The following BRCA2 variants were observed in gnomAD, a reference collection of about 807,000 sequenced individuals.
The protein encoded by BRCA2 is BRCA2 DNA repair associated.
BRCA2 carries 203 observed loss-of-function variants against 276.7 expected under a neutral mutation model. That is an observed-to-expected ratio of 0.73 (90% CI 0.65 to 0.82). BRCA2 has a LOEUF of 0.82. Among genes scored for constraint, BRCA2 ranks in the 40% least tolerant of loss-of-function variants. The pLI is 0.00. For synonymous variants in BRCA2, 1,289 were observed against 1,338.4 expected, an observed-to-expected ratio of 0.96 and a Z score of 0.81; for missense variants, 3,920 against 3,915.0, an observed-to-expected ratio of 1.00 and a Z score of -0.03.
intron 3 of BRCA2, among the ~76,000 whole-genome samples, chr13:32,319,820 T>C (rs1005204835): frequency 6.6e-6 from 1 of 152,228 alleles, no homozygotes; most frequent in Non-Finnish European, 1.5e-5. Flanking sequence ...TAATGAACTT[T>C]CCCTTTTCTT....
intron 18 of BRCA2, 132 bp downstream of exon 18, chr13:32,363,665 A>C (rs2072762438): frequency 3.3e-6 from 3 of 897,982 alleles, no homozygotes; most frequent in Non-Finnish European, 5.0e-6. Context: ...TAGTATAAAA[A>C]GCATATTCTT....
intron 15 of BRCA2, 58 bp from the exon 16 acceptor site, chr13:32,357,684 T>G (rs1436048722): frequency 3.9e-6 from 6 of 1,542,588 alleles, no homozygotes; most frequent in Non-Finnish European, 5.3e-6. Context: ...GTTTTTATTG[T>G]GTGATACATG....
Position 32,340,733 on chromosome 13 carries a change from C to T in BRCA2, c.6378C>T (p.Cys2126=), listed in dbSNP as rs2137526874. 1 of 1,606,884 alleles carries T rather than the reference C, an allele frequency of 6.2e-7. No individual in the cohort carries two copies. The highest frequency in any genetic ancestry group is 2.2e-5 in the East Asian group (1 of 44,788). The stretch of plus-strand genomic sequence containing the variant: ...TAAACTCAGAAATGGAAAAAACCTG[C>T]AGTAAAGAATTTAAATTATCAAATA... The part of the protein sequence containing the change: ...HCVNSEMEKT[C]SKEFKLSNNL... Residue 2126 remains cysteine, a synonymous_variant, in exon 11 of 27, where the codon TGC becomes TGT. Coordinates refer to ENST00000380152, the MANE Select transcript of BRCA2 (RefSeq NM_000059.4).
In BRCA2 at chr13:32,340,787, A is replaced by C; in HGVS notation, c.6432A>C (p.Glu2144Asp). Residue 2144 changes from glutamate (E) to aspartate (D), a missense_variant, in exon 11 of 27, where the codon GAA becomes GAC. Coordinates refer to ENST00000380152, the MANE Select transcript of BRCA2 (RefSeq NM_000059.4). Reference sequence around the variant, plus strand: ...TAAATGTTGAAGGTGGTTCTTCAGAAAATAATCACTCTATTAAAGTTTCTC... The same window carrying C: ...TAAATGTTGAAGGTGGTTCTTCAGACAATAATCACTCTATTAAAGTTTCTC... ...NNLNVEGGSSENNHSIKVSPY... is the reference protein window; with the variant it reads ...NNLNVEGGSSDNNHSIKVSPY... The C allele has an allele frequency of 6.3e-7, 1 of 1,594,768 alleles. No homozygotes were observed. Among genetic ancestry groups the C allele is most frequent in the Non-Finnish European group, 8.5e-7 (1 of 1,174,550 alleles).
chr13:32,362,588 A>G lies in BRCA2; in HGVS notation c.7871A>G (p.Tyr2624Cys), dbSNP rs431825358. 3.1e-6 allele frequency: 5 copies of G among 1,614,032 alleles called. No individual in the cohort carries two copies. The highest frequency in any genetic ancestry group is 1.3e-5 in the African/African-American group (1 of 74,934). Residue 2624 changes from tyrosine to cysteine, a missense_variant, in exon 17 of 27, where the codon TAT becomes TGT. By Grantham distance (194) the Tyr-to-Cys change is radical. Coordinates refer to ENST00000380152, the MANE Select transcript of BRCA2 (RefSeq NM_000059.4). ...TCTAGAATTTGGGTTTATAATCACT[A>G]TAGATGGATCATATGGAAACTGGCA... is the stretch of plus-strand genomic sequence containing the variant. ...LISRIWVYNH[Y>C]RWIIWKLAAM...
At chr13:32,331,408 G>T (rs767269320) in intron 9 of BRCA2, among the ~76,000 whole-genome samples, 1 of 152,022 alleles carries the variant, frequency 6.6e-6, no homozygotes, top group Non-Finnish European at 1.5e-5. Flanking sequence ...TTATCTCAAA[G>T]TATTGAGAGT....
chr13:32,396,837 TTGGAAA>T, intron 25 of BRCA2, 55 bp from the exon 26 acceptor site: 1 of 1,596,892 alleles, frequency 6.3e-7, no homozygotes, highest in Non-Finnish European at 8.6e-7. Flanking sequence ...GGAAATACTT[TTGGAAA>T]CATAAATATG....
chr13:32,340,122 G>T lies in BRCA2; in HGVS notation c.5767G>T (p.Asp1923Tyr), dbSNP rs2137520737. 1 of 1,613,086 alleles carries T rather than the reference G, an allele frequency of 6.2e-7. No individual in the cohort carries two copies. The highest frequency in any genetic ancestry group is 2.2e-5 in the East Asian group (1 of 44,850). Residue 1923 changes from aspartate (D) to tyrosine (Y), a missense_variant, in exon 11 of 27, where the codon GAC (aspartate) becomes TAC (tyrosine). Around this residue, in one of 2 missense-constraint regions of BRCA2, gnomAD observed 3,263 missense variants for 3,156.9 expected, o/e 1.03. Transcript: ENST00000380152. ...CSTHSHKVFADIQSEEILQHN... is the reference protein window; with the variant it reads ...CSTHSHKVFAYIQSEEILQHN... ...CACGCATTCACATAAGGTTTTTGCT[G>T]ACATTCAGAGTGAAGAAATTTTACA...
intron 6 of BRCA2, 78 bp from the exon 7 acceptor site, chr13:32,326,417 GAAAT>G: frequency 2.1e-6 from 3 of 1,442,334 alleles, no homozygotes; most frequent in Non-Finnish European, 2.9e-6. Flanking sequence ...AACGTTAAGT[GAAAT>G]AAAGAGTGAA....
intron 3 of BRCA2, among the ~76,000 whole-genome samples, chr13:32,320,060 C>T (rs878880501): frequency 6.6e-6 from 1 of 152,086 alleles, no homozygotes; most frequent in Non-Finnish European, 1.5e-5. Flanking sequence ...ATGTTCTAGG[C>T]AGAGGGAACA....
chr13:32,356,919 A>G (rs1302741043), intron 15 of BRCA2, among the ~76,000 whole-genome samples: 1 of 152,232 alleles, frequency 6.6e-6, no homozygotes, highest in Non-Finnish European at 1.5e-5. Context: ...TCAAATGTGA[A>G]TAACTGATAG....
rs202230438 is a variant in BRCA2, at chr13:32,337,917, A to G, written c.3562A>G (p.Ile1188Val). ...CAAGCAATTTGAAGGTACAGTTGAA[A>G]TTAAACGGAAGTTTGCTGGCCTGTT... ...SSKQFEGTVE[I>V]KRKFAGLLKN... The change falls in exon 11 of 27, where the codon ATT becomes GTT. Residue 1188 changes from isoleucine to valine, a missense_variant. Ile to Val is a conservative substitution (Grantham distance 29, BLOSUM62 3). Coordinates refer to ENST00000380152, the MANE Select transcript of BRCA2 (RefSeq NM_000059.4). The G allele has an allele frequency of 5.6e-6, 9 of 1,614,014 alleles. No homozygotes were observed. The highest frequency in any genetic ancestry group is 1.6e-4 in the Middle Eastern group (1 of 6,084).
chr13:32,382,973 A>G (rs2072934214), intron 24 of BRCA2, among the ~76,000 whole-genome samples: 3 of 152,322 alleles, frequency 2.0e-5, no homozygotes, highest in Admixed American at 2.0e-4. Context: ...CCAATGGAAG[A>G]GTTGATATAC....
Position 32,338,710 on chromosome 13 carries a change from A to G in BRCA2, c.4355A>G (p.Gln1452Arg), listed in dbSNP as rs56317927. ...AATAAAATTGTAAATTTCTTTGATC[A>G]GAAACCAGAAGAATTGCATAACTTT... Reference protein sequence around the residue: ...SFNKIVNFFDQKPEELHNFSL... With the variant: ...SFNKIVNFFDRKPEELHNFSL... The change falls in exon 11 of 27, where the codon CAG becomes CGG. Residue 1452 changes from glutamine to arginine, a missense_variant. By Grantham distance (43) the Gln-to-Arg change is conservative (BLOSUM62 1). Coordinates refer to ENST00000380152, the MANE Select transcript of BRCA2 (RefSeq NM_000059.4). 1.9e-6 allele frequency: 3 copies of G among 1,594,792 alleles called. No individual in the cohort carries two copies. The highest frequency in any genetic ancestry group is 1.7e-6 in the Non-Finnish European group (2 of 1,168,418).
Position 32,326,499 on chromosome 13 carries a change from G to T in BRCA2, c.517G>T (p.Gly173Cys), listed in dbSNP as rs397507768. 6.2e-7 allele frequency: 1 copy of T among 1,601,910 alleles called. No individual in the cohort carries two copies. Among genetic ancestry groups the T allele is most frequent in the East Asian group, 2.2e-5 (1 of 44,772 alleles). ...SLFHTPKFVKGRQTPKHISES... is the reference protein window; with the variant it reads ...SLFHTPKFVKCRQTPKHISES... Reference sequence around the variant, plus strand: ...AATAAACTATTTTCTTTCCTCCCAGGGTCGTCAGACACCAAAACATATTTC... The same window carrying T: ...AATAAACTATTTTCTTTCCTCCCAGTGTCGTCAGACACCAAAACATATTTC... Residue 173 changes from glycine (G) to cysteine (C), a missense_variant and splice_region_variant, in exon 7 of 27, where the codon GGT becomes TGT. Physicochemically the swap from Gly to Cys is radical, Grantham distance 159 (BLOSUM62 -3). Transcript: ENST00000380152.
In BRCA2 at chr13:32,337,165, A is replaced by G; in HGVS notation, c.2810A>G (p.Gln937Arg). Residue 937 changes from glutamine (Q) to arginine (R), a missense_variant, in exon 11 of 27, where the codon CAA becomes CGA. Physicochemically the swap from Gln to Arg is conservative, Grantham distance 43 (BLOSUM62 1). Around this residue, in one of 2 missense-constraint regions of BRCA2, gnomAD observed 3,263 missense variants for 3,156.9 expected, o/e 1.03. Coordinates refer to ENST00000380152, the MANE Select transcript of BRCA2 (RefSeq NM_000059.4). ...MVLYGDTGDK[Q>R]ATQVSIKKDL... is the part of the protein sequence containing the mutation. ...TTATATGGAGACACAGGTGATAAAC[A>G]AGCAACCCAAGTGTCAATTAAAAAA... is the stretch of plus-strand genomic sequence containing the variant. The G allele has an allele frequency of 6.2e-7, 1 of 1,613,868 alleles. No individual in the cohort carries two copies. Among genetic ancestry groups the G allele is most frequent in the East Asian group, 2.2e-5 (1 of 44,828 alleles).
At chr13:32,366,561 C>G (rs1351516251) in intron 18 of BRCA2, among the ~76,000 whole-genome samples, 1 of 152,132 alleles carries the variant, frequency 6.6e-6, no homozygotes, top group African/African-American at 2.4e-5. Context: ...GTGGCTCACA[C>G]CTATAATCCC....
In BRCA2 at chr13:32,367,446, A is replaced by T. The variant is rs1424693703; in HGVS notation, c.8332-2956A>T. 3.3e-5 allele frequency among the ~76,000 whole-genome samples: 5 copies of T among 152,022 alleles called. No individual in the cohort carries two copies. The East Asian group carries it at 9.7e-4, about 29-fold the overall frequency. On this transcript the variant is annotated intron_variant, in intron 18 of 26. Transcript: ENST00000380152. ...AGCGAGACTCCATCTCAAAGAAAAA[A>T]AAAAGGATAATAACAGCAAAAAATT... is the stretch of plus-strand genomic sequence containing the variant.
chr13:32,334,808 G>A (rs2072435623), intron 10 of BRCA2, among the ~76,000 whole-genome samples: 1 of 152,106 alleles, frequency 6.6e-6, no homozygotes, highest in South Asian at 2.1e-4. Context: ...ATTGCATACT[G>A]TTACTGCTCT....
Sources: gnomAD v4.1 joint callset for allele counts (sites outside exome capture counted in the v4.1 genomes callset) on GRCh38, gnomAD v4.1.1 for gene constraint, gnomAD v4.1.1 regional missense constraint, MANE v1.5 for transcripts, NCBI Gene and HGNC (gene_info 2026-07-23, HGNC 2026-07-21) for gene names.